The following PLCL2 variants were observed in gnomAD, a reference collection of about 807,000 sequenced individuals.
PLCL2 encodes the protein phospholipase C like 2.
Under a neutral mutation model 79.6 loss-of-function variants are expected in PLCL2, and 4 were observed. The ratio of observed to expected loss-of-function variants is 0.05; its 90% CI spans 0.02 to 0.11. PLCL2 has a LOEUF of 0.11. Among genes scored for constraint, PLCL2 ranks in the 10% least tolerant of loss-of-function variants. The pLI, the probability that PLCL2 is intolerant of heterozygous loss-of-function variation, is 1.00. For synonymous variants in PLCL2, 484 were observed against 457.7 expected, an observed-to-expected ratio of 1.06 and a Z score of -0.73; for missense variants, 895 against 1,291.0, an observed-to-expected ratio of 0.69 and a Z score of 4.70.
chr3:17,071,652 C>T (rs768803893), intron 5 of PLCL2, among the ~76,000 whole-genome samples: 7 of 152,014 alleles, frequency 4.6e-5, no homozygotes, highest in Non-Finnish European at 1.0e-4. Flanking sequence ...TTTTTTCACA[C>T]TTTCGGTATG....
Position 17,090,410 on chromosome 3 carries a change from C to A in PLCL2, c.*498C>A. 1 of 257,590 alleles carries A rather than the reference C, an allele frequency of 3.9e-6. No homozygotes were observed. Among genetic ancestry groups the A allele is most frequent in the Non-Finnish European group, 6.1e-6 (1 of 164,384 alleles). The allele number at this position is 257,590 out of a possible 1,614,324, so 16.0% of individuals were successfully genotyped here. A position where few individuals can be genotyped will look rare whatever the true frequency, so the allele number is the denominator to read the frequency against. On this transcript the variant is annotated 3_prime_UTR_variant, in exon 6 of 6. Transcript: ENST00000615277. ...ATGTAAGTGGACGGGTTCCCTGAATCCCCGGGGTCCTTGGAGAGCCATCGA... is the reference window on the plus strand; with the variant it reads ...ATGTAAGTGGACGGGTTCCCTGAATACCCGGGGTCCTTGGAGAGCCATCGA...
intron 1 of PLCL2, among the ~76,000 whole-genome samples, chr3:16,983,897 G>C (rs572090466): frequency 3.3e-4 from 50 of 152,272 alleles, no homozygotes; most frequent in African/African-American, 1.1e-3. Context: ...GCATTTTGCA[G>C]TCACATTTTC....
intron 1 of PLCL2, among the ~76,000 whole-genome samples, chr3:16,961,179 A>T (rs762628188): frequency 6.6e-6 from 1 of 152,262 alleles, no homozygotes; most frequent in African/African-American, 2.4e-5. Context: ...ATTTCATTGT[A>T]TACTCGTGGT....
chr3:16,959,448 A>G (rs992422909), intron 1 of PLCL2, among the ~76,000 whole-genome samples: 4 of 151,958 alleles, frequency 2.6e-5, no homozygotes, highest in African/African-American at 9.7e-5. Flanking sequence ...CTTTATGATA[A>G]TTTTTATTCC....
rs953814228 is a variant in PLCL2 at position 17,000,432 on chromosome 3, A to G, written c.328-9242A>G. 1.5e-4 allele frequency among the ~76,000 whole-genome samples: 13 copies of G among 84,526 alleles called. No individual in the cohort carries two copies. The South Asian group carries it at 2.4e-3, about 15-fold the overall frequency. 55.5% of individuals were successfully genotyped at this position (84,526 alleles called of 152,430 possible). On this transcript the variant is annotated intron_variant, in intron 1 of 5. Transcript: ENST00000615277. ...AGGACATCAGTCATGTCAAACATTT[A>G]TAATTTCTTTGTGTTGAGAATATTC...
chr3:17,028,062 T>G (rs1188430447), intron 3 of PLCL2, among the ~76,000 whole-genome samples: 1 of 152,176 alleles, frequency 6.6e-6, no homozygotes, highest in East Asian at 1.9e-4. Flanking sequence ...GCATTAAAAA[T>G]GAGCCAGTCC....
At chr3:16,945,848 C>T (rs1342641182) in intron 1 of PLCL2, among the ~76,000 whole-genome samples, 1 of 152,218 alleles carries the variant, frequency 6.6e-6, no homozygotes, top group Non-Finnish European at 1.5e-5. Context: ...CTGACCCAAG[C>T]GCCATTTACC....
At chr3:17,050,396 G>A (rs1301796661) in intron 4 of PLCL2, among the ~76,000 whole-genome samples, 2 of 151,928 alleles carry the variant, frequency 1.3e-5, no homozygotes, top group Non-Finnish European at 2.9e-5. Flanking sequence ...ACACTGAATG[G>A]GACAAGGAAT....
intron 1 of PLCL2, among the ~76,000 whole-genome samples, chr3:16,997,943 C>T (rs2064170504): frequency 6.6e-6 from 1 of 152,170 alleles, no homozygotes; most frequent in Admixed American, 6.6e-5. Flanking sequence ...AAAGTGATCA[C>T]ATAATAAATT....
intron 1 of PLCL2, among the ~76,000 whole-genome samples, chr3:16,892,057 T>G (rs886329285): frequency 1.3e-5 from 2 of 152,226 alleles, no homozygotes; most frequent in African/African-American, 4.8e-5. Flanking sequence ...AAGTATTTGT[T>G]TAAGTATGTA....
intron 1 of PLCL2, among the ~76,000 whole-genome samples, chr3:16,913,135 T>C (rs190246267): frequency 2.6e-5 from 4 of 152,276 alleles, no homozygotes; most frequent in Non-Finnish European, 5.9e-5. Context: ...GGACCTCCCA[T>C]GTATCATCAG....
intron 4 of PLCL2, among the ~76,000 whole-genome samples, chr3:17,065,755 A>G (rs1014399531): frequency 1.3e-5 from 2 of 152,206 alleles, no homozygotes; most frequent in African/African-American, 2.4e-5. Context: ...GTTAGTTAAC[A>G]TCACTTGCAT....
intron 3 of PLCL2, among the ~76,000 whole-genome samples, chr3:17,021,434 A>G (rs59130213): frequency 0.028 from 4,333 of 152,284 alleles, 226 homozygotes; most frequent in African/African-American, 0.1. Context: ...GTACCAGGCC[A>G]CCACACAGTG....
At chr3:16,894,724 T>C (rs945203919) in intron 1 of PLCL2, among the ~76,000 whole-genome samples, 1 of 152,190 alleles carries the variant, frequency 6.6e-6, no homozygotes, top group Non-Finnish European at 1.5e-5. Flanking sequence ...TCTTTTCATA[T>C]GTTTCTTGGC....
At chr3:17,076,794 C>G (rs1245752522) in intron 5 of PLCL2, among the ~76,000 whole-genome samples, 2 of 152,076 alleles carry the variant, frequency 1.3e-5, no homozygotes, top group African/African-American at 2.4e-5. Context: ...TCAGCCGTTT[C>G]CTTTTTGTTT....
At chr3:16,933,363 T>C (rs1697455976) in intron 1 of PLCL2, 1 of 154,486 alleles carries the variant, frequency 6.5e-6, no homozygotes, top group Non-Finnish European at 1.5e-5. Flanking sequence ...CTAAAGAGTT[T>C]TGTCTAAAAC....
At chr3:16,993,747 A>G (rs2064126460) in intron 1 of PLCL2, among the ~76,000 whole-genome samples, 2 of 152,358 alleles carry the variant, frequency 1.3e-5, no homozygotes, top group Non-Finnish European at 1.5e-5. Flanking sequence ...ATAAATGCCT[A>G]TATTTTATTC....
chr3:16,969,723 T>C (rs1235372332), intron 1 of PLCL2, among the ~76,000 whole-genome samples: 1 of 152,084 alleles, frequency 6.6e-6, no homozygotes, highest in East Asian at 1.9e-4. Context: ...TTGTATGTTT[T>C]TCGTGTCTCA....
chr3:17,018,910 G>A (rs184965282), intron 3 of PLCL2, among the ~76,000 whole-genome samples: 8 of 152,188 alleles, frequency 5.3e-5, no homozygotes, highest in African/African-American at 1.7e-4. Flanking sequence ...GGCAACATGA[G>A]GTAATATAAA....
Sources: allele counts gnomAD v4.1 joint callset (sites outside exome capture counted in the v4.1 genomes callset), GRCh38; gene constraint gnomAD v4.1.1; transcripts MANE v1.5; gene names NCBI Gene and HGNC (gene_info 2026-07-23, HGNC 2026-07-21).